CENPE: variants seen among roughly 807,000 people sequenced by gnomAD.
CENPE encodes centromere-associated protein E.
A neutral mutation model predicts 336.1 loss-of-function variants in CENPE; 145 were observed. The ratio of observed to expected loss-of-function variants is 0.43; its 90% CI spans 0.38 to 0.50. CENPE has a LOEUF of 0.50. CENPE is among the 20% of genes least tolerant of loss of function. CENPE has a pLI of 0.00. For missense variants in CENPE, 2,719 were observed against 3,023.3 expected, an observed-to-expected ratio of 0.90 and a Z score of 2.36; for synonymous variants, 1,013 against 984.8, an observed-to-expected ratio of 1.03 and a Z score of -0.54.
At chr4:103,169,345 G>A (rs927030569) in intron 16 of CENPE, among the ~76,000 whole-genome samples, 1 of 151,722 alleles carries the variant, frequency 6.6e-6, no homozygotes, top group Non-Finnish European at 1.5e-5. Flanking sequence ...AAAATAAAGG[G>A]ACAGAAAGCT....
chr4:103,118,419 T>C (rs1437766917), intron 44 of CENPE, among the ~76,000 whole-genome samples: 1 of 152,238 alleles, frequency 6.6e-6, no homozygotes, highest in Non-Finnish European at 1.5e-5. Context: ...GTTCTTTGTA[T>C]ATTTTGTATA....
In CENPE at chr4:103,112,367, A is replaced by G. The variant is rs146802304; in HGVS notation, c.7541-1356T>C. ...TATATAAGTATATATATGTAAGTAT[A>G]TACACATATATACATGTGCACGCAC... On this transcript the variant is annotated intron_variant, in intron 46 of 48. Coordinates refer to ENST00000265148, the MANE Select transcript of CENPE (RefSeq NM_001813.3). Among the ~76,000 whole-genome samples the G allele has an allele frequency of 4.2e-3, 621 of 147,202 alleles. 7 individuals carry two copies. Among genetic ancestry groups the G allele is most frequent in the African/African-American group, 0.014 (582 of 40,626 alleles).
chr4:103,120,887 C>G (rs562290116), intron 43 of CENPE, among the ~76,000 whole-genome samples: 44 of 152,174 alleles, frequency 2.9e-4, no homozygotes, highest in Middle Eastern at 3.4e-3. Context: ...AGGTGTGTGC[C>G]ACCACGCCTA....
At chr4:103,188,291 A>G (rs1394069639) in intron 8 of CENPE, among the ~76,000 whole-genome samples, 1 of 152,184 alleles carries the variant, frequency 6.6e-6, no homozygotes, top group East Asian at 1.9e-4. Context: ...TGCACCAAGC[A>G]GACCTAATAG....
chr4:103,144,088 C>A (rs1001612916), intron 33 of CENPE, among the ~76,000 whole-genome samples: 1 of 152,142 alleles, frequency 6.6e-6, no homozygotes, highest in African/African-American at 2.4e-5. Context: ...AGGCGCCCAC[C>A]ACCACGCCTG....
chr4:103,146,941 G>T (rs1259884579), intron 29 of CENPE, among the ~76,000 whole-genome samples: 1 of 152,098 alleles, frequency 6.6e-6, no homozygotes, highest in African/African-American at 2.4e-5. Flanking sequence ...CTGGATTACA[G>T]AATAAGCAGA....
Position 103,110,805 on chromosome 4 carries a change from C to T in CENPE, c.7724+23G>A, listed in dbSNP as rs749394057. The T allele has an allele frequency of 5.1e-5, 78 of 1,534,878 alleles. No homozygotes were observed. The South Asian group carries it at 6.1e-4, about 12-fold the overall frequency. ...ATGTAATAGCCGTAAGCATAATATC[C>T]GTATCATGTAAGCAGATCTTACCTT... is the stretch of plus-strand genomic sequence containing the variant. On this transcript the variant is annotated intron_variant, in intron 47 of 48. Transcript: ENST00000265148.
At chr4:103,115,227 G>A (rs1490255174) in intron 45 of CENPE, among the ~76,000 whole-genome samples, 1 of 151,774 alleles carries the variant, frequency 6.6e-6, no homozygotes, top group East Asian at 1.9e-4. Context: ...TCTGCCTCCT[G>A]AGCTCAAGCG....
intron 45 of CENPE, among the ~76,000 whole-genome samples, chr4:103,115,594 G>A (rs746760085): frequency 2.0e-5 from 3 of 152,148 alleles, no homozygotes; most frequent in Non-Finnish European, 2.9e-5. Flanking sequence ...GATTTATATA[G>A]GAAGAATGAA....
chr4:103,134,046 A>C (rs1270945534), intron 40 of CENPE, among the ~76,000 whole-genome samples, 154 bp from the exon 41 acceptor site: 3 of 152,190 alleles, frequency 2.0e-5, no homozygotes, highest in African/African-American at 4.8e-5. Context: ...CTCTATCCCC[A>C]GTTTTTCCTC....
chr4:103,127,524 G>C (rs534414943), intron 42 of CENPE, among the ~76,000 whole-genome samples: 14 of 152,248 alleles, frequency 9.2e-5, no homozygotes, highest in African/African-American at 2.4e-4. Flanking sequence ...GAGCACAAGA[G>C]AAGGAATAAG....
In CENPE at chr4:103,196,239, A is replaced by G; in HGVS notation, c.162T>C (p.His54=). 6.2e-7 allele frequency: 1 copy of G among 1,611,246 alleles called. No homozygotes were observed. Among genetic ancestry groups the G allele is most frequent in the African/African-American group, 1.3e-5 (1 of 74,406 alleles). The change falls in exon 3 of 49, where the codon CAT becomes CAC. Residue 54 remains histidine, a synonymous_variant. Transcript: ENST00000265148. The part of the protein sequence containing the change: ...SKSFNFDRVF[H]GNETTKNVYE... ...ACACATTTTTGGTAGTTTCATTACCATGAAAGACACGATCTAAACAACAAC... is the reference window on the plus strand; with the variant it reads ...ACACATTTTTGGTAGTTTCATTACCGTGAAAGACACGATCTAAACAACAAC...
chr4:103,161,526 A>G (rs1578636040), intron 18 of CENPE, 69 bp from the exon 19 acceptor site: 3 of 1,358,152 alleles, frequency 2.2e-6, no homozygotes, highest in East Asian at 2.5e-5. Flanking sequence ...TTAAGAGAAC[A>G]TGTATATAAA....
intron 40 of CENPE, among the ~76,000 whole-genome samples, 160 bp from the exon 41 acceptor site, chr4:103,134,052 T>C (rs1341601804): frequency 1.3e-5 from 2 of 152,116 alleles, no homozygotes; most frequent in Non-Finnish European, 2.9e-5. Context: ...CCCCAGTTTT[T>C]CCTCTTAGTA....
chr4:103,132,960 T>TTATATATATATATATATATA (rs56951110), intron 41 of CENPE, 64 bp from the exon 42 acceptor site: 3,752 of 147,020 alleles, frequency 0.026, 146 homozygotes, highest in Non-Finnish European at 0.028. Context: ...AATATTTTAT[T>TTATATATATATATATATATA]TATATATATA....
chr4:103,181,203 C>T, intron 12 of CENPE, 134 bp downstream of exon 12: 2 of 484,914 alleles, frequency 4.1e-6, no homozygotes, highest in Admixed American at 4.6e-5. Flanking sequence ...TGGATTTCTT[C>T]TTCTTTAAAA....
At chr4:103,178,030 G>A (rs1332256097) in intron 13 of CENPE, among the ~76,000 whole-genome samples, 4 of 141,954 alleles carry the variant, frequency 2.8e-5, no homozygotes, top group African/African-American at 1.0e-4. Flanking sequence ...CTGTTCCCTT[G>A]TTGCATGACT....
intron 9 of CENPE, among the ~76,000 whole-genome samples, chr4:103,184,343 C>G (rs1436704127): frequency 6.6e-6 from 1 of 152,204 alleles, no homozygotes; most frequent in Non-Finnish European, 1.5e-5. Context: ...CAAGCTAAAC[C>G]ATTTAAGCAT....
At position 103,147,380 on chromosome 4, in the gene CENPE, T is replaced by C; in HGVS notation, c.4110A>G (p.Glu1370=). 6.2e-7 allele frequency: 1 copy of C among 1,605,758 alleles called. No individual in the cohort carries two copies. Among genetic ancestry groups the C allele is most frequent in the Non-Finnish European group, 8.5e-7 (1 of 1,178,190 alleles). The change falls in exon 29 of 49, where the codon GAA becomes GAG. Residue 1370 remains glutamate (E), a synonymous_variant. Coordinates refer to ENST00000265148, the MANE Select transcript of CENPE (RefSeq NM_001813.3). ...CTTTAGCCAAAGTTTCTCTAATATG[T>C]TCTTTCAGCTGGTCATGTTTAACTT... ...ALEVKHDQLK[E]HIRETLAKIQ...
Sources: allele counts gnomAD v4.1 joint callset (sites outside exome capture counted in the v4.1 genomes callset), GRCh38; gene constraint gnomAD v4.1.1; transcripts MANE v1.5; gene names NCBI Gene and HGNC (gene_info 2026-07-23, HGNC 2026-07-21).